Variants in RNF112 observed in about 807,000 individuals in gnomAD.
RNF112 encodes brain finger protein.
Under a neutral mutation model 64.7 loss-of-function variants are expected in RNF112, and 34 were observed. That is an observed-to-expected ratio of 0.53 (90% CI 0.40 to 0.70). RNF112 has a LOEUF of 0.70. Ranked by LOEUF, RNF112 falls within the 30% of genes least tolerant of loss-of-function variation. RNF112 has a pLI of 0.00. For missense variants in RNF112, 734 were observed against 850.0 expected, an observed-to-expected ratio of 0.86 and a Z score of 1.70; for synonymous variants, 345 against 344.5, an observed-to-expected ratio of 1.00 and a Z score of -0.02.
chr17:19,415,416 C>A lies in RNF112; in HGVS notation c.1350+77C>A. The A allele has an allele frequency of 6.5e-7, 1 of 1,540,974 alleles. No individual in the cohort carries two copies. Among genetic ancestry groups the A allele is most frequent in the Non-Finnish European group, 8.8e-7 (1 of 1,141,372 alleles). ...GAGGTGGGGGCTGTGCCGAGGCCTC[C>A]GGGGTGGGGGTCTGTGTGCCCTGGG... On this transcript the variant is annotated intron_variant, in intron 12 of 13. Transcript: ENST00000461366. This position sits in a 1 kb window ranked among gnomAD's most constrained non-coding sequence, Gnocchi z 7.8.
chr17:19,412,445 C>A lies in RNF112; in HGVS notation c.96-53C>A. 1.3e-6 allele frequency: 2 copies of A among 1,567,136 alleles called. No individual in the cohort carries two copies. The highest frequency in any genetic ancestry group is 1.2e-5 in the South Asian group (1 of 84,918). On this transcript the variant is annotated intron_variant, in intron 2 of 13. Transcript: ENST00000461366. This position sits in a 1 kb window ranked among gnomAD's most constrained non-coding sequence, Gnocchi z 5.1. ...TCTTCCACCACAACCCTGGCCGGTA[C>A]CCCCTGCCCCCAATAGACATCCTGC... is the stretch of plus-strand genomic sequence containing the variant.
In RNF112 at chr17:19,413,311, G is replaced by A. The variant is rs1208212121; in HGVS notation, c.620G>A (p.Gly207Glu). Residue 207 changes from glycine to glutamate, a missense_variant, in exon 5 of 14, where the codon GGA (glycine) becomes GAA (glutamate). Coordinates refer to ENST00000461366, the MANE Select transcript of RNF112 (RefSeq NM_007148.5). This position sits in a 1 kb window ranked among gnomAD's most constrained non-coding sequence, Gnocchi z 5.9. ...GGTGAGGGCGGCCGGCCAAGAGGAG[G>A]AGAGGCATCCCTGCAGGGCTGCAGG... ...ESGEGGRPRG[G>E]EASLQGCRWG... The A allele has an allele frequency of 3.1e-6, 5 of 1,612,552 alleles. No homozygotes were observed. The highest frequency in any genetic ancestry group is 4.2e-6 in the Non-Finnish European group (5 of 1,179,126).
In RNF112 at chr17:19,416,242, G is replaced by A; in HGVS notation, c.*67G>A. 7.1e-7 allele frequency: 1 copy of A among 1,400,358 alleles called. No homozygotes were observed. The highest frequency in any genetic ancestry group is 9.6e-7 in the Non-Finnish European group (1 of 1,038,036). 86.7% of individuals were successfully genotyped at this position (1,400,358 alleles called of 1,614,324 possible). ...GGGATGAAGAAGAGGGGCAGGTCGGGGGAGGGTGATGCCAGGGATTCCAAG... is the reference window on the plus strand; with the variant it reads ...GGGATGAAGAAGAGGGGCAGGTCGGAGGAGGGTGATGCCAGGGATTCCAAG... On this transcript the variant is annotated 3_prime_UTR_variant, in exon 14 of 14. Transcript: ENST00000461366.
rs980524836 is a variant in RNF112, at chr17:19,411,571, G to A, written c.55-59G>A. 3.2e-6 allele frequency: 5 copies of A among 1,548,124 alleles called. No individual in the cohort carries two copies. In the African/African-American group the frequency reaches 4.1e-5, roughly 13 times the overall value. On this transcript the variant is annotated intron_variant, in intron 1 of 13. Transcript: ENST00000461366. ...GGATGAGGGGTCCCTGGAAATCCAG[G>A]GTGAAGATAGAAGTCTGGATTATGT...
Position 19,412,500 on chromosome 17 carries a change from C to G in RNF112, c.98C>G (p.Ser33Cys), listed in dbSNP as rs768034729. 1.2e-6 allele frequency: 2 copies of G among 1,612,450 alleles called. No individual in the cohort carries two copies. Among genetic ancestry groups the G allele is most frequent in the Non-Finnish European group, 1.7e-6 (2 of 1,179,524 alleles). Residue 33 changes from serine to cysteine, a missense_variant and splice_region_variant, in exon 3 of 14, where the codon TCC (serine) becomes TGC (cysteine). By Grantham distance (112) the Ser-to-Cys change is moderately radical. Transcript: ENST00000461366. This position sits in a 1 kb window ranked among gnomAD's most constrained non-coding sequence, Gnocchi z 5.1. ...SFMGNSGNSW[S>C]HTPFPKLELG... ...CAATGGCCTGTTTTGCCCCACAGGTCCCATACACCTTTCCCCAAGTTGGAG... is the reference window on the plus strand; with the variant it reads ...CAATGGCCTGTTTTGCCCCACAGGTGCCATACACCTTTCCCCAAGTTGGAG...
chr17:19,412,581 G>T lies in RNF112; in HGVS notation c.179G>T (p.Cys60Phe), dbSNP rs774649722. ...CGGGAGCTCCCTACCTGCTCCATCT[G>T]CCTGGAGAGGTTGCGCGACCCCATC... is the stretch of plus-strand genomic sequence containing the variant. ...APRELPTCSI[C>F]LERLRDPISL... The change falls in exon 3 of 14, where the codon TGC (cysteine) becomes TTC (phenylalanine). Residue 60 changes from cysteine (C) to phenylalanine (F), a missense_variant. Cys to Phe is a radical substitution (Grantham distance 205). Transcript: ENST00000461366. This position sits in a 1 kb window ranked among gnomAD's most constrained non-coding sequence, Gnocchi z 5.1. 1 of 1,613,400 alleles carries T rather than the reference G, an allele frequency of 6.2e-7. No individual in the cohort carries two copies. The highest frequency in any genetic ancestry group is 8.5e-7 in the Non-Finnish European group (1 of 1,179,760).
Position 19,413,362 on chromosome 17 carries a change from G to C in RNF112, c.671G>C (p.Gly224Ala). The change falls in exon 5 of 14, where the codon GGC becomes GCC. Residue 224 changes from glycine to alanine, a missense_variant. By Grantham distance (60) the Gly-to-Ala change is moderately conservative (BLOSUM62 0). Coordinates refer to ENST00000461366, the MANE Select transcript of RNF112 (RefSeq NM_007148.5). This position sits in a 1 kb window ranked among gnomAD's most constrained non-coding sequence, Gnocchi z 5.9. ...TGGGGCGCCAATGGCCTCGCCAGGGGCATATGGATGTGGAGCCACCCCTTC... is the reference window on the plus strand; with the variant it reads ...TGGGGCGCCAATGGCCTCGCCAGGGCCATATGGATGTGGAGCCACCCCTTC... ...CRWGANGLAR[G>A]IWMWSHPFLL... The C allele has an allele frequency of 6.2e-7, 1 of 1,613,230 alleles. No homozygotes were observed. Among genetic ancestry groups the C allele is most frequent in the Non-Finnish European group, 8.5e-7 (1 of 1,179,616 alleles).
chr17:19,413,006 T>C lies in RNF112; in HGVS notation c.450T>C (p.Leu150=), dbSNP rs1267178666. The C allele has an allele frequency of 6.2e-7, 1 of 1,611,158 alleles. No homozygotes were observed. The highest frequency in any genetic ancestry group is 8.5e-7 in the Non-Finnish European group (1 of 1,178,956). The change falls in exon 4 of 14, where the codon CTT becomes CTC. Residue 150 remains leucine (L), a synonymous_variant. Transcript: ENST00000461366. This position sits in a 1 kb window ranked among gnomAD's most constrained non-coding sequence, Gnocchi z 5.9. ...VRINASGGLI[L]RMGAINRCLK... Reference sequence around the variant, plus strand: ...TCAATGCCTCTGGGGGCCTCATCCTTAGGATGGGGGCCATCAACCGCTGCC... The same window carrying C: ...TCAATGCCTCTGGGGGCCTCATCCTCAGGATGGGGGCCATCAACCGCTGCC...
chr17:19,411,565 A>C, intron 1 of RNF112, 65 bp from the exon 2 acceptor site: 2 of 1,543,910 alleles, frequency 1.3e-6, no homozygotes, highest in Non-Finnish European at 1.8e-6. Flanking sequence ...GTCCCTGGAA[A>C]TCCAGGGTGA....
intron 6 of RNF112, 85 bp from the exon 7 acceptor site, chr17:19,414,010 C>A: frequency 2.5e-6 from 3 of 1,186,030 alleles, no homozygotes; most frequent in Non-Finnish European, 2.5e-6. Context: ...AGGCTGCCTG[C>A]GAGCTCCCTA....
intron 9 of RNF112, 23 bp from the exon 10 acceptor site, chr17:19,414,747 G>C (rs1289931495): frequency 6.2e-7 from 1 of 1,612,368 alleles, no homozygotes; most frequent in African/African-American, 1.3e-5. Context: ...CTAGCTCAGA[G>C]CACTCCTCTC....
Position 19,413,003 on chromosome 17 carries a change from C to T in RNF112, c.447C>T (p.Ile149=), listed in dbSNP as rs1354744538. 3.1e-6 allele frequency: 5 copies of T among 1,610,872 alleles called. No homozygotes were observed. The highest frequency in any genetic ancestry group is 1.7e-5 in the Admixed American group (1 of 59,638). ...LVRINASGGL[I]LRMGAINRCL... is the part of the protein sequence containing the mutation. Reference sequence around the variant, plus strand: ...GCATCAATGCCTCTGGGGGCCTCATCCTTAGGATGGGGGCCATCAACCGCT... The same window carrying T: ...GCATCAATGCCTCTGGGGGCCTCATTCTTAGGATGGGGGCCATCAACCGCT... Residue 149 remains isoleucine, a synonymous_variant, in exon 4 of 14, where the codon ATC becomes ATT. Transcript: ENST00000461366. This position sits in a 1 kb window ranked among gnomAD's most constrained non-coding sequence, Gnocchi z 5.9.
rs1173134470 is a variant in RNF112, at chr17:19,415,491, A to C, written c.1351-27A>C. The C allele has an allele frequency of 6.3e-7, 1 of 1,599,720 alleles. No homozygotes were observed. Among genetic ancestry groups the C allele is most frequent in the Non-Finnish European group, 8.5e-7 (1 of 1,173,332 alleles). On this transcript the variant is annotated intron_variant, in intron 12 of 13. Coordinates refer to ENST00000461366, the MANE Select transcript of RNF112 (RefSeq NM_007148.5). This position sits in a 1 kb window ranked among gnomAD's most constrained non-coding sequence, Gnocchi z 7.8. ...GCCCCTGGCTGAGAAGGAAGGAAGG[A>C]GGCAGCCTGGGTTTTCCCGTGGACA...
At position 19,415,032 on chromosome 17, in the gene RNF112, C is replaced by T. The variant is rs749122584; in HGVS notation, c.1127-6C>T. 2 of 1,584,890 alleles carry T rather than the reference C, an allele frequency of 1.3e-6. No individual in the cohort carries two copies. The highest frequency in any genetic ancestry group is 3.6e-5 in the Admixed American group (2 of 55,548). On this transcript the variant is annotated splice_polypyrimidine_tract_variant and splice_region_variant and intron_variant, in intron 10 of 13. Coordinates refer to ENST00000461366, the MANE Select transcript of RNF112 (RefSeq NM_007148.5). This position sits in a 1 kb window ranked among gnomAD's most constrained non-coding sequence, Gnocchi z 7.8. ...CAGTCTCTCAGCATGCACATCTCTC[C>T]CTCAGACACAGATGATGACTTCCGC...
chr17:19,414,542 C>T (rs918779681), intron 8 of RNF112, 37 bp downstream of exon 8: 1 of 1,613,860 alleles, frequency 6.2e-7, no homozygotes. Context: ...GGCCCCAGGC[C>T]CCGCCACCCC....
Position 19,412,526 on chromosome 17 carries a change from C to G in RNF112, c.124C>G (p.Leu42Val). 6.2e-7 allele frequency: 1 copy of G among 1,613,400 alleles called. No homozygotes were observed. Among genetic ancestry groups the G allele is most frequent in the Non-Finnish European group, 8.5e-7 (1 of 1,179,754 alleles). Residue 42 changes from leucine (L) to valine (V), a missense_variant, in exon 3 of 14, where the codon CTA (leucine) becomes GTA (valine). Transcript: ENST00000461366. This position sits in a 1 kb window ranked among gnomAD's most constrained non-coding sequence, Gnocchi z 5.1. ...WSHTPFPKLE[L>V]GLGPQPMAPR... ...CCATACACCTTTCCCCAAGTTGGAG[C>G]TAGGCCTGGGGCCCCAGCCCATGGC...
intron 10 of RNF112, 36 bp downstream of exon 10, chr17:19,414,923 G>A: frequency 1.3e-6 from 2 of 1,599,074 alleles, no homozygotes; most frequent in South Asian, 1.1e-5. Context: ...CTCTTGCGCT[G>A]CTCCCAGCTC....
chr17:19,412,661 C>A lies in RNF112; in HGVS notation c.259C>A (p.Pro87Thr). Reference sequence around the variant, plus strand: ...ACGGTGCTTCAGCACACACCGTCTCCCGGGCTGTGAGCCGCCCTGCTGTCC... The same window carrying A: ...ACGGTGCTTCAGCACACACCGTCTCACGGGCTGTGAGCCGCCCTGCTGTCC... ...CIRCFSTHRLPGCEPPCCPEC... is the reference protein window; with the variant it reads ...CIRCFSTHRLTGCEPPCCPEC... The change falls in exon 3 of 14, where the codon CCG becomes ACG. Residue 87 changes from proline (P) to threonine (T), a missense_variant. Coordinates refer to ENST00000461366, the MANE Select transcript of RNF112 (RefSeq NM_007148.5). This position sits in a 1 kb window ranked among gnomAD's most constrained non-coding sequence, Gnocchi z 5.1. 6.2e-7 allele frequency: 1 copy of A among 1,613,536 alleles called. No homozygotes were observed.
Position 19,416,045 on chromosome 17 carries a change from G to T in RNF112, c.1766G>T (p.Gly589Val), listed in dbSNP as rs1356020924. Residue 589 changes from glycine to valine, a missense_variant, in exon 14 of 14, where the codon GGG (glycine) becomes GTG (valine). Physicochemically the swap from Gly to Val is moderately radical, Grantham distance 109. Coordinates refer to ENST00000461366, the MANE Select transcript of RNF112 (RefSeq NM_007148.5). The stretch of plus-strand genomic sequence containing the variant: ...ATGGTGGCTGCTGGAGCTGCCGTGG[G>T]GGCCACAGGGGCCGCTGTGGTTGGG... ...AGMVAAGAAV[G>V]ATGAAVVGGG... The T allele has an allele frequency of 1.9e-6, 3 of 1,553,870 alleles. No individual in the cohort carries two copies. Among genetic ancestry groups the T allele is most frequent in the East Asian group, 2.4e-5 (1 of 42,028 alleles).
Sources: gnomAD v4.1 joint callset for allele counts on GRCh38, gnomAD v4.1.1 for gene constraint, Gnocchi (gnomAD v3.1) non-coding constraint, MANE v1.5 for transcripts, NCBI Gene and HGNC (gene_info 2026-07-23, HGNC 2026-07-21) for gene names.